RGS20: variants seen among roughly 807,000 people sequenced by gnomAD.
RGS20 encodes gz-selective GTPase-activating protein.
Under a neutral mutation model 33.6 loss-of-function variants are expected in RGS20, and 30 were observed. That is an observed-to-expected ratio of 0.89 (90% CI 0.67 to 1.21). The LOEUF (loss-of-function observed/expected upper bound fraction) is 1.21, where lower values mean the gene tolerates loss of function less well. RGS20 is among the 50% of genes most tolerant of loss of function. RGS20 has a pLI of 0.00. For missense variants in RGS20, 472 were observed against 502.4 expected (o/e 0.94, Z 0.58); for synonymous variants, 208 against 197.9 (o/e 1.05, Z -0.43).
Position 53,877,717 on chromosome 8 carries a change from T to A in RGS20, c.166-1541T>A, listed in dbSNP as rs1262950987. Among the ~76,000 whole-genome samples the A allele has an allele frequency of 2.0e-5, 3 of 152,136 alleles. No homozygotes were observed. Among genetic ancestry groups the A allele is most frequent in the Non-Finnish European group, 4.4e-5 (3 of 68,030 alleles). ...GACCCCATTCTCCAGGAAAAGGTAATGAGGGGAAGTGAAACAGTGTGAACT... is the reference window on the plus strand; with the variant it reads ...GACCCCATTCTCCAGGAAAAGGTAAAGAGGGGAAGTGAAACAGTGTGAACT... On this transcript the variant is annotated intron_variant, in intron 1 of 5. Coordinates refer to ENST00000297313, the MANE Select transcript of RGS20 (RefSeq NM_170587.4). The surrounding 1 kb of genome is among the most constrained non-coding windows in gnomAD (Gnocchi z 5.7).
rs369244532 is a variant in RGS20, at chr8:53,873,924, T to C, written c.166-5334T>C. 1.1e-3 allele frequency among the ~76,000 whole-genome samples: 160 copies of C among 152,184 alleles called. No individual in the cohort carries two copies. In the South Asian group the frequency reaches 0.032, roughly 30 times the overall value. The stretch of plus-strand genomic sequence containing the variant: ...ATAGAAAGTCTGGAGCCGGGATGGG[T>C]GCAGTGGCTCACACCTGTAATCCCA... On this transcript the variant is annotated intron_variant, in intron 1 of 5. Transcript: ENST00000297313.
At chr8:53,911,901 A>G (rs1191608954) in intron 2 of RGS20, among the ~76,000 whole-genome samples, 2 of 152,224 alleles carry the variant, frequency 1.3e-5, no homozygotes, top group Non-Finnish European at 2.9e-5. Context: ...AGATTGGGCC[A>G]CTTAACTCCA....
At chr8:53,874,512 C>G (rs1278497163) in intron 1 of RGS20, among the ~76,000 whole-genome samples, 1 of 152,086 alleles carries the variant, frequency 6.6e-6, no homozygotes, top group Non-Finnish European at 1.5e-5. Context: ...GTAGGGCAAG[C>G]CAGCAGGCTG....
At chr8:53,941,776 A>C (rs1374035110) in intron 3 of RGS20, among the ~76,000 whole-genome samples, 1 of 152,220 alleles carries the variant, frequency 6.6e-6, no homozygotes, top group Admixed American at 6.5e-5. Context: ...TATTCAGTAA[A>C]TAGCAGGATA....
chr8:53,954,397 C>G, intron 5 of RGS20, 87 bp downstream of exon 4: 1 of 873,372 alleles, frequency 1.1e-6, no homozygotes, highest in South Asian at 1.4e-5. Context: ...GGCACAGTGG[C>G]TCACGTCTGT....
rs533703416 is a variant in RGS20 at position 53,939,256 on chromosome 8, T to A, written c.511-320T>A. On this transcript the variant is annotated intron_variant, in intron 2 of 5. Transcript: ENST00000297313. ...GGATGCCTGGAGCTGGGAACGGCCCTGCGTAGCACTGACTGCAGAGTCTTC... is the reference window on the plus strand; with the variant it reads ...GGATGCCTGGAGCTGGGAACGGCCCAGCGTAGCACTGACTGCAGAGTCTTC... 3.9e-5 allele frequency among the ~76,000 whole-genome samples: 6 copies of A among 152,276 alleles called. No individual in the cohort carries two copies. The South Asian group carries it at 1.2e-3, about 32-fold the overall frequency.
intron 2 of RGS20, among the ~76,000 whole-genome samples, 163 bp from the exon 2 acceptor site, chr8:53,939,413 G>C (rs1814223000): frequency 6.6e-6 from 1 of 152,226 alleles, no homozygotes; most frequent in South Asian, 2.1e-4. Context: ...TACATTAATT[G>C]ATCCTAAGAT....
chr8:53,940,797 C>T (rs1814267104), intron 3 of RGS20, among the ~76,000 whole-genome samples: 1 of 152,206 alleles, frequency 6.6e-6, no homozygotes, highest in South Asian at 2.1e-4. Flanking sequence ...GAGACTTCAG[C>T]CCCTGGTAGG....
Position 53,854,921 on chromosome 8 carries a change from G to A in RGS20, c.165+2857G>A, listed in dbSNP as rs570808782. ...ACAAACTGTGGTACATCCATACTAT[G>A]GAATCCTATGAAGCCACTAAAAGGA... is the stretch of plus-strand genomic sequence containing the variant. On this transcript the variant is annotated intron_variant, in intron 1 of 5. Transcript: ENST00000297313. Among the ~76,000 whole-genome samples, 16 of 152,250 alleles carry A rather than the reference G, an allele frequency of 1.1e-4. No homozygotes were observed. The South Asian group carries it at 3.3e-3, about 32-fold the overall frequency.
intron 2 of RGS20, chr8:53,933,787 A>C (rs917045439): frequency 6.6e-6 from 1 of 152,182 alleles, no homozygotes; most frequent in African/African-American, 2.4e-5. Context: ...CGTAGAGAGC[A>C]ACCCAAGACT....
chr8:53,887,304 G>T (rs1812577516), intron 2 of RGS20: 1 of 212,460 alleles, frequency 4.7e-6, no homozygotes, highest in Non-Finnish European at 9.9e-6. Flanking sequence ...GTTGTAGTCA[G>T]AGAAAGTTAT....
chr8:53,869,462 G>C (rs1025344889), intron 1 of RGS20, among the ~76,000 whole-genome samples: 1 of 152,122 alleles, frequency 6.6e-6, no homozygotes, highest in Non-Finnish European at 1.5e-5. Flanking sequence ...GATCACTTGA[G>C]GTCAGGAGTT....
At chr8:53,914,819 A>C (rs1563393258) in intron 2 of RGS20, 3 of 152,174 alleles carry the variant, frequency 2.0e-5, no homozygotes, top group Admixed American at 2.0e-4. Context: ...AGCATTCCAT[A>C]AAAAGAAAAA....
chr8:53,908,893 G>A (rs1435880112), intron 2 of RGS20, among the ~76,000 whole-genome samples: 1 of 152,038 alleles, frequency 6.6e-6, no homozygotes, highest in African/African-American at 2.4e-5. Context: ...TTGTAATCAT[G>A]TAAATAATTT....
At chr8:53,875,347 G>A (rs767995022) in intron 1 of RGS20, among the ~76,000 whole-genome samples, 13 of 146,418 alleles carry the variant, frequency 8.9e-5, no homozygotes, top group East Asian at 2.1e-4. Context: ...CAGGAGAATC[G>A]CTTGAACCCA....
chr8:53,895,652 T>G (rs1585896888), intron 2 of RGS20, among the ~76,000 whole-genome samples: 4 of 151,490 alleles, frequency 2.6e-5, no homozygotes, highest in African/African-American at 9.7e-5. Flanking sequence ...TTATTCCTTT[T>G]TTTTTTTTTT....
At chr8:53,876,380 A>G (rs1812209865) in intron 1 of RGS20, 1 of 152,212 alleles carries the variant, frequency 6.6e-6, no homozygotes, top group Admixed American at 6.5e-5. Context: ...TGATTAGGGA[A>G]GTGGTGGTTC....
At chr8:53,922,630 C>A (rs186858583) in intron 2 of RGS20, among the ~76,000 whole-genome samples, 398 of 151,918 alleles carry the variant, frequency 2.6e-3, no homozygotes, top group African/African-American at 8.7e-3. Flanking sequence ...TCTAGTGTAC[C>A]ATTTTACTTT....
intron 2 of RGS20, among the ~76,000 whole-genome samples, chr8:53,900,077 G>A (rs2129280225): frequency 6.6e-6 from 1 of 152,290 alleles, no homozygotes; most frequent in Admixed American, 6.5e-5. Flanking sequence ...GAATGGTTGA[G>A]GTGCCAGATG....
Sources: gnomAD v4.1 joint callset for allele counts (sites outside exome capture counted in the v4.1 genomes callset) on GRCh38, gnomAD v4.1.1 for gene constraint, Gnocchi (gnomAD v3.1) non-coding constraint, MANE v1.5 for transcripts, NCBI Gene and HGNC (gene_info 2026-07-23, HGNC 2026-07-21) for gene names.